LARGE1: variants seen among roughly 807,000 people sequenced by gnomAD.
The protein encoded by LARGE1 is xylosyl- and glucuronyltransferase LARGE1.
LARGE1 carries 43 observed loss-of-function variants against 87.6 expected under a neutral mutation model. The observed-to-expected ratio is 0.49, with a 90% CI of 0.38 to 0.63. LARGE1 has a LOEUF of 0.63. Ranked by LOEUF, LARGE1 falls within the 30% of genes least tolerant of loss-of-function variation. LARGE1 has a pLI of 0.00. For missense variants in LARGE1, 802 were observed against 1,000.2 expected (o/e 0.80, Z 2.67); for synonymous variants, 434 against 394.6 (o/e 1.10, Z -1.18).
At chr22:33,917,978 C>T (rs1044361371) in intron 1 of LARGE1, among the ~76,000 whole-genome samples, 1 of 151,792 alleles carries the variant, frequency 6.6e-6, no homozygotes, top group Admixed American at 6.6e-5. Flanking sequence ...ATAACTAGTC[C>T]CCCCTAGTGT....
At position 33,700,991 on chromosome 22, in the gene LARGE1, C is replaced by T. The variant is rs991543879; in HGVS notation, c.107-50323G>A. 5.3e-5 allele frequency among the ~76,000 whole-genome samples: 8 copies of T among 152,180 alleles called. No individual in the cohort carries two copies. In the South Asian group the frequency reaches 1.5e-3, roughly 28 times the overall value. On this transcript the variant is annotated intron_variant, in intron 2 of 14. Coordinates refer to ENST00000397394, the MANE Select transcript of LARGE1 (RefSeq NM_133642.5). ...GACGTTGACAGCAGTGTTTCTCACC[C>T]TGTAAGAGGAACATGGATTTCCTGG...
At chr22:33,142,881 T>A in the LARGE1 span, among the ~76,000 whole-genome samples, 4 of 152,252 alleles carry the variant, frequency 2.6e-5, no homozygotes, top group South Asian at 8.3e-4. Flanking sequence ...AGAAGGATTA[T>A]TATAGCAAAG....
At chr22:33,314,711 T>A (rs902825365) in intron 11 of LARGE1, among the ~76,000 whole-genome samples, 2 of 152,012 alleles carry the variant, frequency 1.3e-5, no homozygotes, top group Non-Finnish European at 2.9e-5. Context: ...TTCCTAATTG[T>A]AGGAGCTGAG....
chr22:33,171,780 C>T (rs1010644011), intron 11 of LARGE1, among the ~76,000 whole-genome samples: 1 of 152,198 alleles, frequency 6.6e-6, no homozygotes, highest in African/African-American at 2.4e-5. Flanking sequence ...GGGTAGAGCC[C>T]TCATGGAGAA....
At chr22:33,651,364 C>A (rs1602984370) in intron 2 of LARGE1, among the ~76,000 whole-genome samples, 1 of 137,328 alleles carries the variant, frequency 7.3e-6, no homozygotes, top group Admixed American at 7.4e-5. Context: ...TGCACTCCAG[C>A]CTGGGCCAGA....
intron 11 of LARGE1, among the ~76,000 whole-genome samples, chr22:33,248,080 T>C (rs1030064567): frequency 2.0e-5 from 3 of 152,250 alleles, no homozygotes; most frequent in Non-Finnish European, 4.4e-5. Context: ...ATCTGATTTC[T>C]TCTTTTTTCA....
chr22:33,158,517 AG>A (rs962700143), downstream of LARGE1, among the ~76,000 whole-genome samples: 12 of 152,214 alleles, frequency 7.9e-5, no homozygotes, highest in Admixed American at 2.0e-4. Context: ...TAGCTTTGAA[AG>A]AAAGGCAGGT....
At chr22:33,468,115 G>A (rs940159575) in intron 6 of LARGE1, among the ~76,000 whole-genome samples, 1 of 152,156 alleles carries the variant, frequency 6.6e-6, no homozygotes, top group Non-Finnish European at 1.5e-5. Context: ...GTTGATGAGC[G>A]CATGGAACAC....
At chr22:33,849,288 G>A (rs1292841530) in intron 1 of LARGE1, among the ~76,000 whole-genome samples, 2 of 152,036 alleles carry the variant, frequency 1.3e-5, no homozygotes, top group African/African-American at 2.4e-5. Flanking sequence ...CAACCACCTG[G>A]GTGTCCTTAG....
chr22:33,726,759 GCACTA>G (rs2083283619), intron 2 of LARGE1, among the ~76,000 whole-genome samples: 1 of 152,184 alleles, frequency 6.6e-6, no homozygotes, highest in African/African-American at 2.4e-5. Flanking sequence ...CACAGATGGG[GCACTA>G]CACTGGGACT....
intron 6 of LARGE1, among the ~76,000 whole-genome samples, chr22:33,527,374 A>G (rs1024853582): frequency 4.6e-5 from 7 of 152,224 alleles, no homozygotes; most frequent in Admixed American, 6.5e-5. Context: ...ACGTACAAAG[A>G]TAACGGCATT....
chr22:33,738,808 G>T, intron 2 of LARGE1, among the ~76,000 whole-genome samples: 1 of 150,102 alleles, frequency 6.7e-6, no homozygotes, highest in East Asian at 2.0e-4. Context: ...TCACGCCACT[G>T]CGCTCCAGCC....
chr22:33,235,333 G>A (rs369627071), intron 11 of LARGE1, among the ~76,000 whole-genome samples: 3 of 152,150 alleles, frequency 2.0e-5, no homozygotes, highest in Non-Finnish European at 4.4e-5. Context: ...TTATACATTC[G>A]AGTGGTTATT....
At chr22:33,607,811 C>T (rs925310152) in intron 4 of LARGE1, among the ~76,000 whole-genome samples, 10 of 152,174 alleles carry the variant, frequency 6.6e-5, no homozygotes, top group South Asian at 2.1e-4. Context: ...ACTGAATAAA[C>T]GAATCAAAAA....
intron 11 of LARGE1, among the ~76,000 whole-genome samples, chr22:33,206,358 T>C (rs1468303651): frequency 2.0e-5 from 3 of 152,062 alleles, no homozygotes; most frequent in African/African-American, 7.2e-5. Context: ...TCCCAAAGTG[T>C]TGGGATTACA....
At chr22:33,759,391 T>C (rs943826340) in intron 2 of LARGE1, among the ~76,000 whole-genome samples, 2 of 152,188 alleles carry the variant, frequency 1.3e-5, no homozygotes, top group African/African-American at 4.8e-5. Context: ...ACTCAAGCTC[T>C]TGAGTCCAAT....
the LARGE1 span, among the ~76,000 whole-genome samples, chr22:33,115,699 T>C: frequency 6.6e-6 from 1 of 150,690 alleles, no homozygotes; most frequent in African/African-American, 2.4e-5. Context: ...ACACCTGTAG[T>C]CCCAGCTACT....
At chr22:33,812,568 C>A (rs532650335) in intron 1 of LARGE1, among the ~76,000 whole-genome samples, 2 of 152,222 alleles carry the variant, frequency 1.3e-5, no homozygotes, top group East Asian at 3.9e-4. Context: ...CTCAATCACA[C>A]ATTCATCTTT....
chr22:33,084,654 C>CA, the LARGE1 span, among the ~76,000 whole-genome samples: 7 of 150,908 alleles, frequency 4.6e-5, no homozygotes, highest in Non-Finnish European at 8.9e-5. Context: ...GACCTGGTCT[C>CA]AAAAAAAACA....
Sources: allele counts gnomAD v4.1 joint callset (sites outside exome capture counted in the v4.1 genomes callset), GRCh38; gene constraint gnomAD v4.1.1; transcripts MANE v1.5; gene names NCBI Gene and HGNC (gene_info 2026-07-23, HGNC 2026-07-21).